The following NOL10 variants were observed in gnomAD, a reference collection of about 807,000 sequenced individuals.
NOL10 encodes the protein nucleolar protein 10, also known as H_NH0074G24.1.
NOL10 carries 58 observed loss-of-function variants against 103.5 expected under a neutral mutation model. The observed-to-expected ratio is 0.56, with a 90% CI of 0.45 to 0.70. The LOEUF (loss-of-function observed/expected upper bound fraction) is 0.70. Ranked by LOEUF, NOL10 falls within the 30% of genes least tolerant of loss-of-function variation. The probability of loss-of-function intolerance (pLI) is 0.00; values close to 1 mark genes in which losing one functional copy is unlikely to be tolerated. For synonymous variants in NOL10, 287 were observed against 282.5 expected, an observed-to-expected ratio of 1.02 and a Z score of -0.16; for missense variants, 763 against 807.3, an observed-to-expected ratio of 0.95 and a Z score of 0.67.
chr2:10,638,397 GTATT>G (rs749329261), intron 13 of NOL10, among the ~76,000 whole-genome samples: 4 of 29,196 alleles, frequency 1.4e-4, no homozygotes, highest in Non-Finnish European at 2.3e-4. Context: ...GCTGGGTGCA[GTATT>G]TATTCTTTAT....
chr2:10,642,798 C>T (rs1420558647), intron 13 of NOL10, among the ~76,000 whole-genome samples: 1 of 152,168 alleles, frequency 6.6e-6, no homozygotes, highest in Non-Finnish European at 1.5e-5. Flanking sequence ...TCCCTGAGTG[C>T]CAACCACACT....
intron 2 of NOL10, among the ~76,000 whole-genome samples, chr2:10,682,784 C>T (rs191377992): frequency 6.6e-6 from 1 of 151,780 alleles, no homozygotes; most frequent in African/African-American, 2.4e-5. Context: ...AGCCCCCAAA[C>T]TCTCCAAACT....
At chr2:10,590,558 AGTTACTGGGAAACAGAAGGGACGTT>A (rs201565268) in intron 17 of NOL10, among the ~76,000 whole-genome samples, 87,657 of 151,632 alleles carry the variant, frequency 0.58, 26,089 homozygotes, top group African/African-American at 0.7. Flanking sequence ...ATTCCAGCTG[AGTTACTGGGAAACAGAAGGGACGTT>A]TCCATCCCCT....
At chr2:10,620,291 G>A (rs953872009) in intron 13 of NOL10, among the ~76,000 whole-genome samples, 11 of 151,926 alleles carry the variant, frequency 7.2e-5, no homozygotes, top group Admixed American at 4.6e-4. Context: ...TAAGGGTACC[G>A]ATATATGTAA....
At chr2:10,651,706 C>T (rs958247227) in intron 12 of NOL10, among the ~76,000 whole-genome samples, 4 of 152,148 alleles carry the variant, frequency 2.6e-5, no homozygotes, top group African/African-American at 9.7e-5. Flanking sequence ...GCTCGTCACC[C>T]TTGCCCCAAC....
chr2:10,645,473 A>G (rs1257749759), intron 12 of NOL10, among the ~76,000 whole-genome samples: 1 of 151,968 alleles, frequency 6.6e-6, no homozygotes, highest in Non-Finnish European at 1.5e-5. Context: ...ACTCTATTAC[A>G]GAAATGAGAT....
rs769418451 is a variant in NOL10, at chr2:10,577,509, C to T, written c.1947+127G>A. The T allele has an allele frequency of 2.3e-5, 16 of 686,252 alleles. No individual in the cohort carries two copies. The East Asian group carries it at 4.3e-4, about 19-fold the overall frequency. The allele number at this position is 686,252 out of a possible 1,614,324, so 42.5% of individuals were successfully genotyped here. A position where few individuals can be genotyped will look rare whatever the true frequency, so the allele number is the denominator to read the frequency against. ...TCTGGTTGCAAGGAAAATGTTAGAACAGGGAACACAGCTTCCTCAATAGGG... is the reference window on the plus strand; with the variant it reads ...TCTGGTTGCAAGGAAAATGTTAGAATAGGGAACACAGCTTCCTCAATAGGG... On this transcript the variant is annotated intron_variant, in intron 20 of 20. Transcript: ENST00000381685.
chr2:10,586,513 A>T (rs10197187), intron 19 of NOL10, among the ~76,000 whole-genome samples: 52,035 of 151,842 alleles, frequency 0.34, 9,294 homozygotes, highest in Non-Finnish European at 0.4. Flanking sequence ...CAAGAACATT[A>T]TAGTTGGCCC....
At chr2:10,652,489 C>G (rs960203414) in intron 12 of NOL10, among the ~76,000 whole-genome samples, 3 of 152,192 alleles carry the variant, frequency 2.0e-5, no homozygotes, top group Non-Finnish European at 4.4e-5. Context: ...CATCCATCAT[C>G]CAGATTGATA....
At chr2:10,675,219 TAAATAAAAG>T in intron 4 of NOL10, among the ~76,000 whole-genome samples, 1 of 151,946 alleles carries the variant, frequency 6.6e-6, no homozygotes, top group Admixed American at 6.6e-5. Flanking sequence ...AATAAATAAA[TAAATAAAAG>T]AAAGAAAAGA....
Position 10,619,951 on chromosome 2 carries a change from CA to C in NOL10, c.1027-12641del, listed in dbSNP as rs1221268260. On this transcript the variant is annotated intron_variant, in intron 13 of 20. Coordinates refer to ENST00000381685, the MANE Select transcript of NOL10 (RefSeq NM_024894.4). ...CTCTACTTCTACCCTTTTCCTCTCC[CA>C]ATTTCCTAACTACACCAAATGCTAA... 3.9e-5 allele frequency among the ~76,000 whole-genome samples: 6 copies of C among 152,184 alleles called. No homozygotes were observed. The East Asian group carries it at 9.6e-4, about 24-fold the overall frequency.
chr2:10,582,789 A>G (rs974528616), intron 19 of NOL10, among the ~76,000 whole-genome samples: 6 of 151,980 alleles, frequency 3.9e-5, no homozygotes, highest in Non-Finnish European at 1.5e-5. Context: ...ATTCCTTACT[A>G]CCCACTTTCT....
intron 12 of NOL10, among the ~76,000 whole-genome samples, chr2:10,652,688 G>C (rs1679556627): frequency 6.6e-6 from 1 of 152,126 alleles, no homozygotes; most frequent in Non-Finnish European, 1.5e-5. Context: ...AAATGAACCA[G>C]CTCCTGCTCA....
chr2:10,686,180 A>G (rs1682188409), intron 1 of NOL10, among the ~76,000 whole-genome samples: 1 of 152,226 alleles, frequency 6.6e-6, no homozygotes, highest in African/African-American at 2.4e-5. Flanking sequence ...TATGTATGCC[A>G]TGGAAAAAAT....
At position 10,684,754 on chromosome 2, in the gene NOL10, C is replaced by T. The variant is rs935207654; in HGVS notation, c.67-142G>A. On this transcript the variant is annotated intron_variant, in intron 1 of 20. Transcript: ENST00000381685. ...TAGGAAGCAAAAAATATTCTCTAAT[C>T]CTAACTCTACTCGTAACGTATTAAA... The T allele has an allele frequency of 1.2e-4, 76 of 621,228 alleles. No individual in the cohort carries two copies. In the African/African-American group the frequency reaches 1.4e-3, roughly 11 times the overall value. 38.5% of individuals were successfully genotyped at this position (621,228 alleles called of 1,614,324 possible). A position where few individuals can be genotyped will look rare whatever the true frequency, so the allele number is the denominator to read the frequency against.
At chr2:10,628,195 A>G (rs1677605760) in intron 13 of NOL10, among the ~76,000 whole-genome samples, 1 of 152,118 alleles carries the variant, frequency 6.6e-6, no homozygotes, top group Non-Finnish European at 1.5e-5. Context: ...TTCTCTATCT[A>G]GATGATGCCT....
intron 13 of NOL10, among the ~76,000 whole-genome samples, chr2:10,611,924 AAAAAC>A (rs1271871489): frequency 4.6e-5 from 7 of 152,050 alleles, no homozygotes; most frequent in African/African-American, 1.4e-4. Context: ...CCCTGCTTAA[AAAAAC>A]AAAACAAAAC....
chr2:10,589,773 T>C (rs1242878958), intron 17 of NOL10, 22 bp from the exon 18 acceptor site: 6 of 1,397,682 alleles, frequency 4.3e-6, no homozygotes, highest in African/African-American at 1.5e-5. Flanking sequence ...AAAAAGTACG[T>C]AAAAATTTAA....
Position 10,589,172 on chromosome 2 carries a change from T to A in NOL10, c.1715A>T (p.Glu572Val). The A allele has an allele frequency of 6.2e-7, 1 of 1,614,038 alleles. No homozygotes were observed. The highest frequency in any genetic ancestry group is 1.6e-4 in the Middle Eastern group (1 of 6,062). The change falls in exon 19 of 21, where the codon GAA (glutamate) becomes GTA (valine). Residue 572 changes from glutamate (E) to valine (V), a missense_variant. Physicochemically the swap from Glu to Val is moderately radical, Grantham distance 121. Coordinates refer to ENST00000381685, the MANE Select transcript of NOL10 (RefSeq NM_024894.4). ...RKQRRLLQQE[E>V]KVKRQERLKE... ...GAGTCGTTCCTGCCGCTTCACTTTT[T>A]CCTCCTGCTGGAGGAGTCTGCGTTG...
Sources: allele counts gnomAD v4.1 joint callset (sites outside exome capture counted in the v4.1 genomes callset), GRCh38; gene constraint gnomAD v4.1.1; transcripts MANE v1.5; gene names NCBI Gene and HGNC (gene_info 2026-07-23, HGNC 2026-07-21).